TPST1: variants seen among roughly 807,000 people sequenced by gnomAD.
TPST1 encodes the protein tyrosylprotein sulfotransferase 1.
In TPST1, 20 loss-of-function variants were observed where a neutral mutation model predicts 34.8. The observed-to-expected ratio is 0.57, with a 90% CI of 0.40 to 0.84. The LOEUF is 0.84. Ranked by LOEUF, TPST1 falls within the 40% of genes least tolerant of loss-of-function variation. The pLI, the probability that TPST1 is intolerant of heterozygous loss-of-function variation, is 0.00. For missense variants in TPST1, 353 were observed against 455.5 expected, an observed-to-expected ratio of 0.78 and a Z score of 2.05; for synonymous variants, 152 against 159.4, an observed-to-expected ratio of 0.95 and a Z score of 0.35.
At chr7:66,303,067 T>C (rs1005946053) in intron 3 of TPST1, among the ~76,000 whole-genome samples, 2 of 152,208 alleles carry the variant, frequency 1.3e-5, no homozygotes, top group Non-Finnish European at 2.9e-5. Flanking sequence ...ACATGACACC[T>C]CTTCTGTGCC....
intron 2 of TPST1, among the ~76,000 whole-genome samples, chr7:66,273,621 C>T (rs559676511): frequency 6.6e-6 from 1 of 152,078 alleles, no homozygotes; most frequent in Non-Finnish European, 1.5e-5. Flanking sequence ...AGAAATAAAC[C>T]CACATATTTA....
At position 66,335,423 on chromosome 7, in the gene TPST1, C is replaced by T. The variant is rs926500518; in HGVS notation, c.1045-17082C>T. ...TGAGCCAAGATCGCACCACTGAACG[C>T]CAGCCTGGGCAACAGAGCAAAACTG... On this transcript the variant is annotated intron_variant, in intron 3 of 5. Coordinates refer to ENST00000304842, the MANE Select transcript of TPST1 (RefSeq NM_003596.4). Among the ~76,000 whole-genome samples, 78 of 151,824 alleles carry T rather than the reference C, an allele frequency of 5.1e-4. 2 individuals are homozygous for T. Among genetic ancestry groups the T allele is most frequent in the Non-Finnish European group, 1.5e-5 (1 of 67,978 alleles).
chr7:66,358,240 T>C (rs1792621738), intron 5 of TPST1, among the ~76,000 whole-genome samples: 1 of 152,034 alleles, frequency 6.6e-6, no homozygotes, highest in South Asian at 2.1e-4. Context: ...AGAGCGAGAC[T>C]TCGTCTCAAA....
intron 3 of TPST1, among the ~76,000 whole-genome samples, chr7:66,337,376 C>A (rs920756953): frequency 7.2e-5 from 10 of 139,812 alleles, no homozygotes; most frequent in African/African-American, 2.6e-4. Context: ...GTGGTGCAAT[C>A]TCAGCTCACT....
At chr7:66,237,475 G>A (rs1789934034) in intron 1 of TPST1, among the ~76,000 whole-genome samples, 1 of 152,200 alleles carries the variant, frequency 6.6e-6, no homozygotes, top group Non-Finnish European at 1.5e-5. Context: ...TCACTAGGCT[G>A]TAGCTGGAAG....
chr7:66,358,080 G>A (rs1385488396), intron 5 of TPST1, among the ~76,000 whole-genome samples: 10 of 150,190 alleles, frequency 6.7e-5, no homozygotes, highest in African/African-American at 9.8e-5. Flanking sequence ...GAGAGACTTC[G>A]TCTCAAAAAA....
chr7:66,343,334 A>G (rs1248754690), intron 3 of TPST1, among the ~76,000 whole-genome samples: 6 of 152,190 alleles, frequency 3.9e-5, no homozygotes, highest in Admixed American at 2.0e-4. Context: ...TTCCGAACTC[A>G]TAAGTGGGAG....
In TPST1 at chr7:66,238,696, C is replaced by G. The variant is rs548479885; in HGVS notation, c.-101-1629C>G. Among the ~76,000 whole-genome samples the G allele has an allele frequency of 2.0e-5, 3 of 152,292 alleles. No individual in the cohort carries two copies. In the South Asian group the frequency reaches 6.2e-4, roughly 32 times the overall value. The stretch of plus-strand genomic sequence containing the variant: ...CTGTTGATTTAAGTGTTAATCACAT[C>G]TAAAATATACCTTCACAGACATATC... On this transcript the variant is annotated intron_variant, in intron 1 of 5. Coordinates refer to ENST00000304842, the MANE Select transcript of TPST1 (RefSeq NM_003596.4).
At chr7:66,249,651 C>G (rs1411279512) in intron 2 of TPST1, among the ~76,000 whole-genome samples, 2 of 152,236 alleles carry the variant, frequency 1.3e-5, no homozygotes, top group African/African-American at 2.4e-5. Flanking sequence ...TTGAGAACCA[C>G]TGCTTAAAAT....
At chr7:66,344,035 A>T (rs1429531684) in intron 3 of TPST1, among the ~76,000 whole-genome samples, 2 of 152,236 alleles carry the variant, frequency 1.3e-5, no homozygotes, top group Admixed American at 6.5e-5. Flanking sequence ...CCTGGGAAAG[A>T]TTCAATGAGC....
intron 4 of TPST1, among the ~76,000 whole-genome samples, chr7:66,354,322 G>A (rs1372447015): frequency 2.0e-5 from 3 of 152,014 alleles, no homozygotes; most frequent in Non-Finnish European, 4.4e-5. Flanking sequence ...AAATCCAAAA[G>A]CGCCCAGGTG....
At chr7:66,307,139 T>C (rs1791439652) in intron 3 of TPST1, among the ~76,000 whole-genome samples, 1 of 146,140 alleles carries the variant, frequency 6.8e-6, no homozygotes, top group African/African-American at 2.5e-5. Context: ...CTTCATTCAC[T>C]TTTTTTTTTT....
intron 3 of TPST1, among the ~76,000 whole-genome samples, chr7:66,320,061 A>C (rs182111568): frequency 6.6e-6 from 1 of 152,152 alleles, no homozygotes; most frequent in East Asian, 1.9e-4. Flanking sequence ...TGAATCATAT[A>C]ATAGTCTTTT....
chr7:66,307,753 G>A (rs1414374704), intron 3 of TPST1, among the ~76,000 whole-genome samples: 2 of 152,180 alleles, frequency 1.3e-5, no homozygotes, highest in African/African-American at 4.8e-5. Flanking sequence ...CTGAGCACAT[G>A]CATGACCTTC....
intron 3 of TPST1, among the ~76,000 whole-genome samples, chr7:66,299,973 A>G (rs1259482819): frequency 6.6e-6 from 1 of 152,170 alleles, no homozygotes; most frequent in Non-Finnish European, 1.5e-5. Context: ...GTACATATAA[A>G]AGTTATACAC....
At chr7:66,226,155 G>A (rs1789651799) in intron 1 of TPST1, among the ~76,000 whole-genome samples, 1 of 152,104 alleles carries the variant, frequency 6.6e-6, no homozygotes, top group Admixed American at 6.5e-5. Context: ...CCAAAGTGCT[G>A]GGATTACAGA....
intron 3 of TPST1, among the ~76,000 whole-genome samples, chr7:66,347,775 A>G (rs889640568): frequency 6.6e-6 from 1 of 151,918 alleles, no homozygotes; most frequent in African/African-American, 2.4e-5. Context: ...TCTTTTTCAG[A>G]TTGTTCACTG....
chr7:66,207,785 G>A (rs948644625), intron 1 of TPST1, among the ~76,000 whole-genome samples: 4 of 152,126 alleles, frequency 2.6e-5, no homozygotes, highest in Non-Finnish European at 5.9e-5. Context: ...TACTTCAAAT[G>A]TGGTTACCTT....
At chr7:66,248,506 T>TG (rs1014293895) in intron 2 of TPST1, among the ~76,000 whole-genome samples, 2 of 148,656 alleles carry the variant, frequency 1.3e-5, no homozygotes, top group African/African-American at 2.5e-5. Flanking sequence ...ATTTAGTGTT[T>TG]TTTTTTTTTT....
Sources: gnomAD v4.1 joint callset for allele counts (sites outside exome capture counted in the v4.1 genomes callset) on GRCh38, gnomAD v4.1.1 for gene constraint, MANE v1.5 for transcripts, NCBI Gene and HGNC (gene_info 2026-07-23, HGNC 2026-07-21) for gene names.